Variants in PLOD1 observed in about 807,000 individuals in gnomAD.
PLOD1 encodes the protein lysine hydroxylase.
A neutral mutation model predicts 94.7 loss-of-function variants in PLOD1; 70 were observed. The ratio of observed to expected loss-of-function variants is 0.74; its 90% CI spans 0.61 to 0.90. The LOEUF (loss-of-function observed/expected upper bound fraction) is 0.90, where lower values mean the gene tolerates loss of function less well. Among genes scored for constraint, PLOD1 ranks in the 40% least tolerant of loss-of-function variants. PLOD1 has a pLI of 0.00. For missense variants in PLOD1, 905 were observed against 972.7 expected (o/e 0.93, Z 0.93); for synonymous variants, 417 against 400.2 (o/e 1.04, Z -0.50).
At chr1:11,974,384 T>C (rs1645888720) in intron 18 of PLOD1, among the ~76,000 whole-genome samples, 1 of 152,110 alleles carries the variant, frequency 6.6e-6, no homozygotes, top group Non-Finnish European at 1.5e-5. Context: ...GGTCTCACCA[T>C]GTTGGCCATG....
intron 13 of PLOD1, 36 bp from the exon 14 acceptor site, chr1:11,965,444 G>A (rs558420528): frequency 1.6e-6 from 2 of 1,244,912 alleles, no homozygotes; most frequent in East Asian, 2.3e-5. Context: ...GGGAGGGGTG[G>A]GGGAGCGCCT....
Position 11,958,474 on chromosome 1 carries a change from A to AC in PLOD1, c.844-41dup. 2 of 1,610,050 alleles carry AC rather than the reference A, an allele frequency of 1.2e-6. No individual in the cohort carries two copies. The highest frequency in any genetic ancestry group is 1.7e-6 in the Non-Finnish European group (2 of 1,178,410). ...CCTGGGGTGGAGTGGCAGTGCTGTG[A>AC]CTGGACACTGCTGGACTCTTGTGCC... is the stretch of plus-strand genomic sequence containing the variant. On this transcript the variant is annotated intron_variant, in intron 8 of 18. Transcript: ENST00000196061. The surrounding 1 kb of genome is among the most constrained non-coding windows in gnomAD (Gnocchi z 4.3).
intron 5 of PLOD1, 67 bp downstream of exon 5, chr1:11,952,802 G>C: frequency 8.9e-7 from 1 of 1,123,922 alleles, no homozygotes; most frequent in Non-Finnish European, 1.4e-6. Flanking sequence ...CACGGGAACA[G>C]CTCCTCTCAG....
Position 11,936,109 on chromosome 1 carries a change from G to A in PLOD1, c.76+1254G>A, listed in dbSNP as rs552330268. ...CTCCCAAAGTGTTGGGATTACAGGC[G>A]TGAGCCACCACACCTGGCCCTCTCT... is the stretch of plus-strand genomic sequence containing the variant. On this transcript the variant is annotated intron_variant, in intron 1 of 18. Transcript: ENST00000196061. Among the ~76,000 whole-genome samples the A allele has an allele frequency of 7.2e-5, 11 of 152,206 alleles. 1 individual carries two copies. The highest frequency in any genetic ancestry group is 1.3e-4 in the Admixed American group (2 of 15,282).
chr1:11,974,463 G>A (rs188402456), intron 18 of PLOD1, among the ~76,000 whole-genome samples, 190 bp from the exon 19 acceptor site: 76 of 152,290 alleles, frequency 5.0e-4, no homozygotes, highest in African/African-American at 1.6e-3. Context: ...GATTACAGGC[G>A]TGAGCCACCA....
chr1:11,954,414 AG>A, intron 5 of PLOD1: 1 of 424,072 alleles, frequency 2.4e-6, no homozygotes, highest in East Asian at 7.2e-5. Context: ...TGAACCCAGG[AG>A]GCGGAGGTTG....
At chr1:11,936,424 C>T (rs370349708) in intron 1 of PLOD1, among the ~76,000 whole-genome samples, 2 of 151,552 alleles carry the variant, frequency 1.3e-5, no homozygotes, top group African/African-American at 4.9e-5. Context: ...TGGCATTCTC[C>T]TCCTTCAGCT....
rs988633119 is a variant in PLOD1 at position 11,972,666 on chromosome 1, TCTCC to T, written c.1903-204_1903-201del. ...CTCTGTTCTCTTCCTTCCCTCCCTC[TCTCC>T]CCTCTGTCCATACATTTTTGTTGAG... On this transcript the variant is annotated intron_variant, in intron 17 of 18. Coordinates refer to ENST00000196061, the MANE Select transcript of PLOD1 (RefSeq NM_000302.4). The surrounding 1 kb of genome is among the most constrained non-coding windows in gnomAD (Gnocchi z 4.6). 1.7e-5 allele frequency: 7 copies of T among 417,916 alleles called. No homozygotes were observed. The highest frequency in any genetic ancestry group is 3.2e-5 in the Non-Finnish European group (7 of 215,494). The allele number at this position is 417,916 out of a possible 1,614,324, so 25.9% of individuals were successfully genotyped here.
intron 1 of PLOD1, among the ~76,000 whole-genome samples, chr1:11,937,961 T>C (rs1645591256): frequency 6.6e-6 from 1 of 150,858 alleles, no homozygotes; most frequent in Non-Finnish European, 1.5e-5. Context: ...TTCTTTTTTT[T>C]TTTTTCTTTG....
intron 1 of PLOD1, among the ~76,000 whole-genome samples, chr1:11,946,123 C>T (rs769373352): frequency 6.6e-6 from 1 of 152,110 alleles, no homozygotes; most frequent in African/African-American, 2.4e-5. Flanking sequence ...TCCCTGCTTT[C>T]CAAGGGGGAA....
rs149161535 is a variant in PLOD1, at chr1:11,974,786, C to T, written c.2162C>T (p.Ala721Val). ...LPTTRGTRYI[A>V]VSFVDP ...ACCACCAGGGGCACCCGCTACATCGCAGTCTCCTTCGTCGATCCCTAATTG... is the reference window on the plus strand; with the variant it reads ...ACCACCAGGGGCACCCGCTACATCGTAGTCTCCTTCGTCGATCCCTAATTG... Residue 721 changes from alanine to valine, a missense_variant, in exon 19 of 19, where the codon GCA (alanine) becomes GTA (valine). Coordinates refer to ENST00000196061, the MANE Select transcript of PLOD1 (RefSeq NM_000302.4). 6.6e-5 allele frequency: 106 copies of T among 1,614,046 alleles called. No homozygotes were observed. The highest frequency in any genetic ancestry group is 8.1e-5 in the Non-Finnish European group (96 of 1,180,032).
In PLOD1 at chr1:11,967,043, G is replaced by C; in HGVS notation, c.1707G>C (p.Leu569=). 3 of 1,614,038 alleles carry C rather than the reference G, an allele frequency of 1.9e-6. No individual in the cohort carries two copies. In the South Asian group the frequency reaches 3.3e-5, roughly 18 times the overall value. ...PIFTEVACDE[L]VEEMEHFGQW... ...TCACGGAGGTGGCCTGTGATGAGCT[G>C]GTGGAGGAGATGGAGCACTTTGGCC... The change falls in exon 16 of 19, where the codon CTG becomes CTC. Residue 569 remains leucine, a synonymous_variant. Transcript: ENST00000196061.
In PLOD1 at chr1:11,935,584, G is replaced by A. The variant is rs145257896; in HGVS notation, c.76+729G>A. On this transcript the variant is annotated intron_variant, in intron 1 of 18. Transcript: ENST00000196061. ...TCGCCCAGGCTGGAACGCAGTATGC[G>A]ATCTCGGCTTACTGCAACCTCTGCC... 6.0e-3 allele frequency among the ~76,000 whole-genome samples: 910 copies of A among 150,542 alleles called. 4 individuals carry two copies. The highest frequency in any genetic ancestry group is 0.02 in the African/African-American group (819 of 41,088).
At position 11,958,147 on chromosome 1, in the gene PLOD1, A is replaced by C. The variant is rs1645752338; in HGVS notation, c.843+204A>C. 6.6e-6 allele frequency among the ~76,000 whole-genome samples: 1 copy of C among 151,864 alleles called. No homozygotes were observed. Among genetic ancestry groups the C allele is most frequent in the Admixed American group, 6.6e-5 (1 of 15,252 alleles). The stretch of plus-strand genomic sequence containing the variant: ...GATTGCATGTCTCTAGCTTCCCCCG[A>C]GATGTCCAGGTTCTGGTTTCTTCTG... On this transcript the variant is annotated intron_variant, in intron 8 of 18. Transcript: ENST00000196061. This position sits in a 1 kb window ranked among gnomAD's most constrained non-coding sequence, Gnocchi z 4.3.
chr1:11,954,436 AG>A (rs1645724227), intron 5 of PLOD1: 40 of 454,256 alleles, frequency 8.8e-5, no homozygotes, highest in South Asian at 6.3e-4. Context: ...CAGTGAGTCG[AG>A]GTCGTGCCAT....
In PLOD1 at chr1:11,950,383, C is replaced by T; in HGVS notation, c.329C>T (p.Pro110Leu). ...DSYDVLFASG[P>L]RELLKKFRQA... ...TATGACGTGCTGTTTGCATCGGGGC[C>T]CCGGGAGCTCCTGAAGAAGTTCCGG... Residue 110 changes from proline to leucine, a missense_variant, in exon 4 of 19, where the codon CCC becomes CTC. Physicochemically the swap from Pro to Leu is moderately conservative, Grantham distance 98 (BLOSUM62 -3). Coordinates refer to ENST00000196061, the MANE Select transcript of PLOD1 (RefSeq NM_000302.4). 1.9e-6 allele frequency: 3 copies of T among 1,614,156 alleles called. No homozygotes were observed. Among genetic ancestry groups the T allele is most frequent in the South Asian group, 1.1e-5 (1 of 91,086 alleles).
chr1:11,940,786 C>A (rs762224583), intron 1 of PLOD1, among the ~76,000 whole-genome samples: 3 of 152,176 alleles, frequency 2.0e-5, no homozygotes, highest in Admixed American at 2.0e-4. Context: ...CCTTGGTACT[C>A]GAAAATGAAT....
At chr1:11,937,037 G>C (rs6693015) in intron 1 of PLOD1, among the ~76,000 whole-genome samples, 3,875 of 151,770 alleles carry the variant, frequency 0.026, 136 homozygotes, top group African/African-American at 0.089. Context: ...TAGTAGAGAC[G>C]GGGTTTCACC....
intron 4 of PLOD1, among the ~76,000 whole-genome samples, chr1:11,951,174 C>T (rs1184865667): frequency 6.6e-6 from 1 of 152,226 alleles, no homozygotes; most frequent in African/African-American, 2.4e-5. Context: ...CACTGGGCTC[C>T]TGGCCGTTGG....
Sources: allele counts gnomAD v4.1 joint callset (sites outside exome capture counted in the v4.1 genomes callset), GRCh38; gene constraint gnomAD v4.1.1; non-coding constraint Gnocchi (gnomAD v3.1); transcripts MANE v1.5; gene names NCBI Gene and HGNC (gene_info 2026-07-23, HGNC 2026-07-21).